The following PPP2R2C variants were observed in gnomAD, a reference collection of about 807,000 sequenced individuals.
PPP2R2C encodes the protein protein phosphatase 2 regulatory subunit Bgamma, also known as protein phosphatase 2, regulatory subunit B, gamma.
Under a neutral mutation model 45.3 loss-of-function variants are expected in PPP2R2C, and 10 were observed. The ratio of observed to expected loss-of-function variants is 0.22; its 90% CI spans 0.14 to 0.37. The LOEUF (loss-of-function observed/expected upper bound fraction) is 0.37, where lower values mean the gene tolerates loss of function less well. PPP2R2C is among the 10% of genes least tolerant of loss of function. The pLI is 1.00. For synonymous variants in PPP2R2C, 257 were observed against 245.4 expected (o/e 1.05, Z -0.44); for missense variants, 308 against 619.7 (o/e 0.50, Z 5.34).
chr4:6,340,341 T>C lies in PPP2R2C; in HGVS notation c.791-6610A>G, dbSNP rs139991113. Among the ~76,000 whole-genome samples, 607 of 152,174 alleles carry C rather than the reference T, an allele frequency of 4.0e-3. 5 individuals are homozygous for C. The highest frequency in any genetic ancestry group is 0.014 in the African/African-American group (572 of 41,530). ...CCCCCGCCCCCATTCCCAGGCTCTT[T>C]CTCATCCAGGGACACCTCTCCTGAC... On this transcript the variant is annotated intron_variant, in intron 6 of 8. Coordinates refer to ENST00000382599, the MANE Select transcript of PPP2R2C (RefSeq NM_020416.4).
At chr4:6,542,950 G>A (rs1359447540) in intron 1 of PPP2R2C, among the ~76,000 whole-genome samples, 1 of 152,190 alleles carries the variant, frequency 6.6e-6, no homozygotes, top group Non-Finnish European at 1.5e-5. Flanking sequence ...ATCAATTTTT[G>A]GAAGACAACC....
intron 1 of PPP2R2C, among the ~76,000 whole-genome samples, chr4:6,545,081 T>C (rs1037310545): frequency 2.0e-5 from 3 of 152,206 alleles, no homozygotes; most frequent in African/African-American, 7.2e-5. Flanking sequence ...CCCCACAGCC[T>C]GGGGCTCTCC....
At chr4:6,412,264 G>A (rs1390950012) in intron 1 of PPP2R2C, among the ~76,000 whole-genome samples, 1 of 152,214 alleles carries the variant, frequency 6.6e-6, no homozygotes, top group Non-Finnish European at 1.5e-5. Context: ...AAGCTGATGG[G>A]ATGGAACAGA....
chr4:6,383,747 G>T, intron 1 of PPP2R2C: 1 of 895,104 alleles, frequency 1.1e-6, no homozygotes, highest in Non-Finnish European at 1.4e-6. Context: ...TGGCCAGAAC[G>T]TAAACTTCAT....
At chr4:6,497,589 CTTG>C (rs1294682495) in intron 2 of PPP2R2C, among the ~76,000 whole-genome samples, 1 of 152,168 alleles carries the variant, frequency 6.6e-6, no homozygotes, top group Non-Finnish European at 1.5e-5. Context: ...TTATAGAAAA[CTTG>C]TTATTATAAC....
chr4:6,425,814 T>G (rs1719252359), intron 1 of PPP2R2C, among the ~76,000 whole-genome samples: 1 of 77,586 alleles, frequency 1.3e-5, no homozygotes, highest in Admixed American at 2.1e-4. Context: ...GATGCTTGGC[T>G]GTGTGTGTGT....
At chr4:6,525,615 C>T (rs2108817308) in intron 2 of PPP2R2C, among the ~76,000 whole-genome samples, 1 of 152,286 alleles carries the variant, frequency 6.6e-6, no homozygotes, top group South Asian at 2.1e-4. Context: ...TAAGCAGAAA[C>T]CAGCCCTTTC....
At chr4:6,536,559 A>G (rs1220113877) in intron 1 of PPP2R2C, among the ~76,000 whole-genome samples, 1 of 152,254 alleles carries the variant, frequency 6.6e-6, no homozygotes, top group African/African-American at 2.4e-5. Flanking sequence ...CAAATATGGC[A>G]GTGACCAAAA....
intron 6 of PPP2R2C, among the ~76,000 whole-genome samples, chr4:6,339,974 G>T (rs530435787): frequency 6.6e-6 from 1 of 152,152 alleles, no homozygotes; most frequent in Admixed American, 6.5e-5. Flanking sequence ...TTGCTCCTGG[G>T]TTCCAGGTGA....
intron 1 of PPP2R2C, among the ~76,000 whole-genome samples, chr4:6,422,161 C>T (rs558592047): frequency 6.6e-6 from 1 of 152,178 alleles, no homozygotes; most frequent in East Asian, 1.9e-4. Flanking sequence ...AGACCCAAGA[C>T]TTGGGAGGTT....
chr4:6,438,501 G>C (rs950640254), intron 1 of PPP2R2C, among the ~76,000 whole-genome samples: 2 of 152,186 alleles, frequency 1.3e-5, no homozygotes, highest in African/African-American at 4.8e-5. Flanking sequence ...CTCCCTTTCA[G>C]CCCCTTCCAT....
At chr4:6,404,255 G>C (rs576004211) in intron 1 of PPP2R2C, among the ~76,000 whole-genome samples, 2 of 152,280 alleles carry the variant, frequency 1.3e-5, no homozygotes, top group South Asian at 4.2e-4. Context: ...CCAAAGCCCG[G>C]CTGAAGGTGC....
chr4:6,434,681 G>C (rs887042572), intron 1 of PPP2R2C, among the ~76,000 whole-genome samples: 1 of 152,076 alleles, frequency 6.6e-6, no homozygotes, highest in Admixed American at 6.6e-5. Flanking sequence ...ACTTCCATCA[G>C]ACAAGGATTA....
At chr4:6,424,633 G>A (rs565978602) in intron 1 of PPP2R2C, among the ~76,000 whole-genome samples, 2 of 152,328 alleles carry the variant, frequency 1.3e-5, no homozygotes, top group South Asian at 2.1e-4. Context: ...CTCCAGAGGC[G>A]GCTGTGGTGT....
intron 2 of PPP2R2C, among the ~76,000 whole-genome samples, chr4:6,481,273 C>T (rs924837037): frequency 2.0e-5 from 3 of 152,186 alleles, no homozygotes; most frequent in Admixed American, 6.5e-5. Context: ...AGGTAGTAAA[C>T]AGAATGTCCT....
intron 1 of PPP2R2C, among the ~76,000 whole-genome samples, chr4:6,457,207 C>CAAAAAAAAAAAAAAAAAAAAAAAAAAAA (rs34145628): frequency 1.1e-5 from 1 of 88,804 alleles, no homozygotes; most frequent in African/African-American, 4.6e-5. Context: ...GACTCCATCT[C>CAAAAAAAAAAAAAAAAAAAAAAAAAAAA]AAAAAAAAAA....
At chr4:6,405,480 A>G (rs1717732185) in intron 1 of PPP2R2C, among the ~76,000 whole-genome samples, 1 of 152,272 alleles carries the variant, frequency 6.6e-6, no homozygotes, top group Admixed American at 6.5e-5. Flanking sequence ...CCTCTCTTCC[A>G]GCTCAAAGGC....
intron 4 of PPP2R2C, among the ~76,000 whole-genome samples, chr4:6,373,037 G>T (rs892664595): frequency 3.3e-5 from 5 of 152,262 alleles, no homozygotes; most frequent in African/African-American, 9.6e-5. Flanking sequence ...CTGCAATGCA[G>T]TGCTGTCACT....
intron 1 of PPP2R2C, among the ~76,000 whole-genome samples, chr4:6,460,862 GA>G (rs1209851164): frequency 6.6e-6 from 1 of 152,004 alleles, no homozygotes; most frequent in Admixed American, 6.6e-5. Flanking sequence ...ATGTCAATAG[GA>G]TACAATCCAA....
Sources: allele counts gnomAD v4.1 joint callset (sites outside exome capture counted in the v4.1 genomes callset), GRCh38; gene constraint gnomAD v4.1.1; transcripts MANE v1.5; gene names NCBI Gene and HGNC (gene_info 2026-07-23, HGNC 2026-07-21).